CKMT2: variants seen among roughly 807,000 people sequenced by gnomAD.
CKMT2 encodes the protein creatine kinase S-type, mitochondrial.
Under a neutral mutation model 48.9 loss-of-function variants are expected in CKMT2, and 43 were observed. That is an observed-to-expected ratio of 0.88 (90% CI 0.69 to 1.13). CKMT2 has a LOEUF of 1.13. CKMT2 is among the 50% of genes most tolerant of loss of function. The pLI is 0.00. For missense variants in CKMT2, 472 were observed against 555.4 expected (o/e 0.85, Z 1.51); for synonymous variants, 206 against 213.0 (o/e 0.97, Z 0.29).
chr5:81,257,014 A>AT lies in CKMT2; in HGVS notation c.755+18dup, dbSNP rs1482892174. 1.9e-6 allele frequency: 3 copies of AT among 1,603,812 alleles called. No homozygotes were observed. Among genetic ancestry groups the AT allele is most frequent in the Non-Finnish European group, 2.6e-6 (3 of 1,172,188 alleles). The stretch of plus-strand genomic sequence containing the variant: ...CAGGGGAATCTGGTATGGATGCAGC[A>AT]TTTTCACATTTGCAATATCTGTAGA... On this transcript the variant is annotated intron_variant, in intron 6 of 9. Transcript: ENST00000254035.
In CKMT2 at chr5:81,235,855, C is replaced by T. The variant is rs560892894; in HGVS notation, c.-21+2478C>T. 6 of 152,376 alleles carry T rather than the reference C, an allele frequency of 3.9e-5. No individual in the cohort carries two copies. In the East Asian group the frequency reaches 7.7e-4, roughly 20 times the overall value. The allele number at this position is 152,376 out of a possible 1,614,324, so 9.4% of individuals were successfully genotyped here. On this transcript the variant is annotated intron_variant, in intron 1 of 9. Transcript: ENST00000254035. ...TGGCTGTGCTCTTGCACCTCCCCAT[C>T]GCTCCAAATCTCCCTGGCTTGGAGC...
Position 81,257,740 on chromosome 5 carries a change from TATG to T in CKMT2, c.766_768del (p.Asp256del). Reference sequence around the variant, plus strand: ...TATTTCTCTCTTCATTAGGCATAATTATGATAAGACATTTCTCATCTGGATAAA... The same window carrying T: ...TATTTCTCTCTTCATTAGGCATAATTATAAGACATTTCTCATCTGGATAAA... On this transcript the variant is annotated inframe_deletion, in exon 7 of 10. Coordinates refer to ENST00000254035, the MANE Select transcript of CKMT2 (RefSeq NM_001099735.2). 1 of 1,611,532 alleles carries T rather than the reference TATG, an allele frequency of 6.2e-7. No individual in the cohort carries two copies. Among genetic ancestry groups the T allele is most frequent in the East Asian group, 2.2e-5 (1 of 44,838 alleles).
intron 1 of CKMT2, chr5:81,246,838 T>G (rs1270959140): frequency 6.6e-6 from 1 of 152,190 alleles, no homozygotes. Context: ...CTCAGCCCTG[T>G]GATATCTAGC....
At chr5:81,258,648 G>A (rs1380989833) in intron 7 of CKMT2, among the ~76,000 whole-genome samples, 1 of 152,158 alleles carries the variant, frequency 6.6e-6, no homozygotes, top group Non-Finnish European at 1.5e-5. Context: ...TGGTGGGTAA[G>A]CCAGCATTAC....
intron 1 of CKMT2, among the ~76,000 whole-genome samples, chr5:81,247,732 T>C (rs944934575): frequency 6.6e-6 from 1 of 152,196 alleles, no homozygotes; most frequent in Non-Finnish European, 1.5e-5. Context: ...AATAGTGAAA[T>C]TCAATGCCTC....
intron 1 of CKMT2, among the ~76,000 whole-genome samples, chr5:81,240,016 C>T (rs1463399881): frequency 6.6e-6 from 1 of 152,112 alleles, no homozygotes; most frequent in African/African-American, 2.4e-5. Flanking sequence ...TAGACAAATA[C>T]ATATCTCTAC....
At chr5:81,259,045 T>G in intron 7 of CKMT2, 75 bp from the exon 8 acceptor site, 1 of 1,428,210 alleles carries the variant, frequency 7.0e-7, no homozygotes, top group Non-Finnish European at 9.6e-7. Context: ...CATCTCTCTC[T>G]CTGGTGTTAG....
intron 3 of CKMT2, 130 bp downstream of exon 3, chr5:81,253,023 G>C: frequency 1.1e-6 from 1 of 935,488 alleles, no homozygotes; most frequent in South Asian, 1.5e-5. Context: ...TCTCATAAAG[G>C]GAAGCCAGCT....
intron 8 of CKMT2, among the ~76,000 whole-genome samples, chr5:81,260,423 A>G (rs185153276): frequency 1.3e-5 from 2 of 152,330 alleles, no homozygotes; most frequent in Non-Finnish European, 2.9e-5. Flanking sequence ...CCTTCAAAAA[A>G]TCAGTGAATC....
intron 9 of CKMT2, 125 bp from the exon 10 acceptor site, chr5:81,266,014 G>A (rs1267207771): frequency 1.3e-6 from 1 of 754,410 alleles, no homozygotes; most frequent in Admixed American, 2.3e-5. Flanking sequence ...TTTCTGAGAA[G>A]GAAGGAATTG....
intron 1 of CKMT2, chr5:81,250,809 C>T (rs1221125912): frequency 5.6e-6 from 1 of 180,154 alleles, no homozygotes; most frequent in Non-Finnish European, 1.2e-5. Context: ...GACATCCCTG[C>T]TGCTGTTTAT....
chr5:81,257,965 C>G, intron 7 of CKMT2, 109 bp downstream of exon 7: 1 of 1,135,312 alleles, frequency 8.8e-7, no homozygotes, highest in Non-Finnish European at 1.2e-6. Flanking sequence ...TAATTTTTTT[C>G]TAGAAATCAA....
chr5:81,256,835 G>C, intron 5 of CKMT2, 80 bp from the exon 6 acceptor site: 1 of 988,156 alleles, frequency 1.0e-6, no homozygotes, highest in Non-Finnish European at 1.6e-6. Context: ...TAAGTGGGTT[G>C]GAACTTGTTC....
intron 8 of CKMT2, among the ~76,000 whole-genome samples, chr5:81,263,233 T>C (rs961166503): frequency 9.9e-5 from 15 of 151,884 alleles, no homozygotes; most frequent in Non-Finnish European, 1.5e-4. Context: ...TGATGATGGA[T>C]TGATGGGTGC....
In CKMT2 at chr5:81,255,129, C is replaced by G. The variant is rs147801566; in HGVS notation, c.584C>G (p.Ala195Gly). The G allele has an allele frequency of 2.3e-4, 372 of 1,614,122 alleles. No individual in the cohort carries two copies. In the African/African-American group the frequency reaches 4.7e-3, roughly 20 times the overall value. Reference sequence around the variant, plus strand: ...GAGGTAGAGAACGTGGCCATCACTGCCCTGGAGGGCCTCAAGGGGGACCTG... The same window carrying G: ...GAGGTAGAGAACGTGGCCATCACTGGCCTGGAGGGCCTCAAGGGGGACCTG... ...RREVENVAITALEGLKGDLAG... is the reference protein window; with the variant it reads ...RREVENVAITGLEGLKGDLAG... Residue 195 changes from alanine to glycine, a missense_variant, in exon 5 of 10, where the codon GCC (alanine) becomes GGC (glycine). Coordinates refer to ENST00000254035, the MANE Select transcript of CKMT2 (RefSeq NM_001099735.2).
intron 1 of CKMT2, among the ~76,000 whole-genome samples, chr5:81,234,280 G>C (rs1296691576): frequency 1.3e-5 from 2 of 152,094 alleles, no homozygotes; most frequent in Non-Finnish European, 2.9e-5. Flanking sequence ...TGCCAGGCTC[G>C]TGACCCCTCA....
At chr5:81,260,581 A>G (rs1363448719) in intron 8 of CKMT2, among the ~76,000 whole-genome samples, 4 of 152,234 alleles carry the variant, frequency 2.6e-5, no homozygotes, top group Admixed American at 6.5e-5. Context: ...AGAATACTAT[A>G]AACACCTCTG....
intron 1 of CKMT2, chr5:81,238,321 GA>G (rs1756317068): frequency 6.6e-6 from 1 of 151,906 alleles, no homozygotes; most frequent in South Asian, 2.1e-4. Context: ...GCGACAGAGC[GA>G]GACTGTCTCA....
In CKMT2 at chr5:81,251,270, G is replaced by C; in HGVS notation, c.138G>C (p.Arg46Ser). ...GTGCCGAGGTCCGGGAGCAGCCTAG[G>C]CTATTTCCTCCAAGGTAAGGGCTCC... ...KVCAEVREQP[R>S]LFPPSADYPD... Residue 46 changes from arginine (R) to serine (S), a missense_variant, in exon 2 of 10, where the codon AGG (arginine) becomes AGC (serine). By Grantham distance (110) the Arg-to-Ser change is moderately radical. Coordinates refer to ENST00000254035, the MANE Select transcript of CKMT2 (RefSeq NM_001099735.2). 1 of 1,613,988 alleles carries C rather than the reference G, an allele frequency of 6.2e-7. No homozygotes were observed. The highest frequency in any genetic ancestry group is 1.1e-5 in the South Asian group (1 of 91,080).
Sources: allele counts gnomAD v4.1 joint callset (sites outside exome capture counted in the v4.1 genomes callset), GRCh38; gene constraint gnomAD v4.1.1; transcripts MANE v1.5; gene names NCBI Gene and HGNC (gene_info 2026-07-23, HGNC 2026-07-21).